MRAS: variants seen among roughly 807,000 people sequenced by gnomAD.
MRAS encodes ras-related protein M-Ras.
MRAS carries 4 observed loss-of-function variants against 20.9 expected under a neutral mutation model. The ratio of observed to expected loss-of-function variants is 0.19; its 90% confidence interval spans 0.09 to 0.44. MRAS has a LOEUF of 0.44. MRAS is among the 20% of genes least tolerant of loss of function. The pLI, the probability that MRAS is intolerant of heterozygous loss-of-function variation, is 0.99. For missense variants in MRAS, 154 were observed against 277.5 expected (o/e 0.56, Z 3.16); for synonymous variants, 98 against 102.9 (o/e 0.95, Z 0.29).
intron 1 of MRAS, among the ~76,000 whole-genome samples, chr3:138,368,402 A>G (rs1046659165): frequency 6.6e-6 from 1 of 152,174 alleles, no homozygotes; most frequent in African/African-American, 2.4e-5. Context: ...TATCTCACAC[A>G]TTTTATTTCA....
intron 1 of MRAS, among the ~76,000 whole-genome samples, chr3:138,366,741 T>C (rs1338159346): frequency 6.6e-6 from 1 of 152,206 alleles, no homozygotes; most frequent in East Asian, 1.9e-4. Flanking sequence ...ATCTAACCAG[T>C]CCACAGCAGT....
At chr3:138,373,751 G>C (rs1360000564) in intron 2 of MRAS, among the ~76,000 whole-genome samples, 1 of 152,144 alleles carries the variant, frequency 6.6e-6, no homozygotes, top group Non-Finnish European at 1.5e-5. Flanking sequence ...GTGAGTTTTA[G>C]CATCAGTTAA....
At chr3:138,356,408 AT>A (rs779665718) in intron 1 of MRAS, among the ~76,000 whole-genome samples, 20 of 152,104 alleles carry the variant, frequency 1.3e-4, no homozygotes, top group Non-Finnish European at 1.5e-5. Context: ...AGCAAAATTA[AT>A]TTTGGTTCAG....
chr3:138,385,018 T>A (rs1316512813), intron 2 of MRAS, among the ~76,000 whole-genome samples: 1 of 151,722 alleles, frequency 6.6e-6, no homozygotes, highest in Non-Finnish European at 1.5e-5. Context: ...AAAGTCTAAT[T>A]AGAGTGGGTT....
At chr3:138,356,205 A>G (rs958565363) in intron 1 of MRAS, among the ~76,000 whole-genome samples, 1 of 152,252 alleles carries the variant, frequency 6.6e-6, no homozygotes, top group African/African-American at 2.4e-5. Flanking sequence ...GGCATACTGT[A>G]TATTAGGCTG....
intron 2 of MRAS, among the ~76,000 whole-genome samples, chr3:138,388,638 G>A (rs1420596182): frequency 2.0e-5 from 3 of 152,128 alleles, no homozygotes; most frequent in Non-Finnish European, 2.9e-5. Flanking sequence ...GGCAGAGGTT[G>A]CAGTGAGCTG....
chr3:138,381,511 A>G lies in MRAS; in HGVS notation c.193+8435A>G, dbSNP rs79037610. ...CCTCTCCTCACTTACAACAGGGCAG[A>G]TGTCTCTGGGCCTCCCCACCCTCTG... On this transcript the variant is annotated intron_variant, in intron 2 of 5. Transcript: ENST00000423968. Among the ~76,000 whole-genome samples, 76 of 152,304 alleles carry G rather than the reference A, an allele frequency of 5.0e-4. 2 individuals are homozygous for G. In the East Asian group the frequency reaches 0.014, roughly 28 times the overall value.
chr3:138,382,019 C>G (rs2054916452), intron 2 of MRAS, among the ~76,000 whole-genome samples: 1 of 152,208 alleles, frequency 6.6e-6, no homozygotes, highest in South Asian at 2.1e-4. Flanking sequence ...TAGGCCCCAA[C>G]TAAGAATGGG....
intron 1 of MRAS, among the ~76,000 whole-genome samples, chr3:138,363,826 C>T (rs9755336): frequency 1.9e-5 from 2 of 103,532 alleles, no homozygotes; most frequent in Admixed American, 8.5e-5. Flanking sequence ...TTTACCCCCC[C>T]CCCCCCCCAA....
At chr3:138,365,431 C>T (rs754495886) in intron 1 of MRAS, among the ~76,000 whole-genome samples, 4 of 152,174 alleles carry the variant, frequency 2.6e-5, no homozygotes, top group Non-Finnish European at 5.9e-5. Context: ...TTAGGGGTCA[C>T]GAGTAAGCCC....
intron 1 of MRAS, among the ~76,000 whole-genome samples, chr3:138,358,279 C>G (rs2054375128): frequency 6.6e-6 from 1 of 151,720 alleles, no homozygotes; most frequent in African/African-American, 2.4e-5. Context: ...AGAGTCTGCA[C>G]TGAGCCAAGA....
At position 138,402,739 on chromosome 3, in the gene MRAS, G is replaced by C. The variant is rs1560191286; in HGVS notation, c.*470G>C. On this transcript the variant is annotated 3_prime_UTR_variant, in exon 6 of 6. Transcript: ENST00000423968. ...TTTAGTGATTATTATTTTATTAAAGGGGTCTGGGCTCACTGCCTGGTGAAG... is the reference window on the plus strand; with the variant it reads ...TTTAGTGATTATTATTTTATTAAAGCGGTCTGGGCTCACTGCCTGGTGAAG... The C allele has an allele frequency of 6.5e-6, 1 of 153,040 alleles. No individual in the cohort carries two copies. The highest frequency in any genetic ancestry group is 1.5e-5 in the Non-Finnish European group (1 of 68,342). The allele number at this position is 153,040 out of a possible 1,614,324, so 9.5% of individuals were successfully genotyped here. A position where few individuals can be genotyped will look rare whatever the true frequency, so the allele number is the denominator to read the frequency against.
At chr3:138,381,020 G>A (rs1010723140) in intron 2 of MRAS, among the ~76,000 whole-genome samples, 4 of 151,258 alleles carry the variant, frequency 2.6e-5, no homozygotes, top group South Asian at 2.1e-4. Flanking sequence ...TGATCCACCC[G>A]CCTCGGCCTC....
At chr3:138,377,328 C>T (rs1406705081) in intron 2 of MRAS, among the ~76,000 whole-genome samples, 3 of 152,180 alleles carry the variant, frequency 2.0e-5, no homozygotes, top group Non-Finnish European at 2.9e-5. Flanking sequence ...AAGACTTGGC[C>T]GGGTGCGGTG....
At chr3:138,399,756 G>A (rs1283087827) in intron 4 of MRAS, among the ~76,000 whole-genome samples, 1 of 152,246 alleles carries the variant, frequency 6.6e-6, no homozygotes, top group Non-Finnish European at 1.5e-5. Flanking sequence ...TTTGGGGAAT[G>A]AACACTTCCT....
At chr3:138,364,847 C>G in intron 1 of MRAS, among the ~76,000 whole-genome samples, 1 of 152,178 alleles carries the variant, frequency 6.6e-6, no homozygotes, top group East Asian at 1.9e-4. Context: ...TCTGACCTGC[C>G]CAGCTGTTTC....
intron 2 of MRAS, among the ~76,000 whole-genome samples, chr3:138,380,932 G>A (rs2054890015): frequency 6.6e-6 from 1 of 151,950 alleles, no homozygotes; most frequent in Non-Finnish European, 1.5e-5. Context: ...ACCACACCCA[G>A]CTAATTTTTG....
intron 2 of MRAS, among the ~76,000 whole-genome samples, chr3:138,393,069 G>A (rs1167096839): frequency 6.6e-6 from 1 of 152,136 alleles, no homozygotes; most frequent in African/African-American, 2.4e-5. Flanking sequence ...TCAGCATCTA[G>A]ATGTAATCAG....
chr3:138,371,356 C>G (rs1363783520), intron 1 of MRAS, among the ~76,000 whole-genome samples: 2 of 152,178 alleles, frequency 1.3e-5, no homozygotes, highest in African/African-American at 4.8e-5. Flanking sequence ...CTGTCAAAAT[C>G]TAGAACTGAA....
Sources: allele counts gnomAD v4.1 joint callset (sites outside exome capture counted in the v4.1 genomes callset), GRCh38; gene constraint gnomAD v4.1.1; transcripts MANE v1.5; gene names NCBI Gene and HGNC (gene_info 2026-07-23, HGNC 2026-07-21).